DSCAM: variants seen among roughly 807,000 people sequenced by gnomAD.
DSCAM encodes the protein cell adhesion molecule DSCAM.
In DSCAM, 47 loss-of-function variants were observed where a neutral mutation model predicts 217.7. The observed-to-expected ratio is 0.22, with a 90% CI of 0.17 to 0.28. The LOEUF (loss-of-function observed/expected upper bound fraction) is 0.28, where lower values mean the gene tolerates loss of function less well. Ranked by LOEUF, DSCAM falls within the 10% of genes least tolerant of loss-of-function variation. The pLI is 1.00. For synonymous variants in DSCAM, 1,056 were observed against 1,015.3 expected (o/e 1.04, Z -0.76); for missense variants, 2,080 against 2,618.3 (o/e 0.79, Z 4.49).
intron 1 of DSCAM, among the ~76,000 whole-genome samples, chr21:40,834,788 C>G (rs532105481): frequency 6.0e-4 from 92 of 152,204 alleles, no homozygotes; most frequent in African/African-American, 2.1e-3. Flanking sequence ...GCCTCCAGAC[C>G]CCCCAGGAAA....
Position 40,135,377 on chromosome 21 carries a change from T to C in DSCAM, c.3407-1368A>G, listed in dbSNP as rs141805752. 5.2e-4 allele frequency among the ~76,000 whole-genome samples: 79 copies of C among 152,364 alleles called. No individual in the cohort carries two copies. In the East Asian group the frequency reaches 6.9e-3, roughly 13 times the overall value. On this transcript the variant is annotated intron_variant, in intron 18 of 32. Transcript: ENST00000400454. ...AGCGCTATGCTATTCTAAGTACAGA[T>C]AGTAACTTATACAACCAGCAGAGTT...
chr21:40,731,569 C>T, intron 1 of DSCAM, among the ~76,000 whole-genome samples: 1 of 152,006 alleles, frequency 6.6e-6, no homozygotes, highest in Non-Finnish European at 1.5e-5. Context: ...TGTTCTGAGG[C>T]TTCTCTCCTT....
At chr21:40,207,898 G>T (rs901957941) in intron 11 of DSCAM, among the ~76,000 whole-genome samples, 12 of 152,126 alleles carry the variant, frequency 7.9e-5, no homozygotes, top group African/African-American at 2.4e-5. Flanking sequence ...GTGGCTACAC[G>T]CTAACCTCTT....
intron 1 of DSCAM, among the ~76,000 whole-genome samples, chr21:40,827,342 C>T (rs1159028055): frequency 6.6e-6 from 1 of 151,804 alleles, no homozygotes. Context: ...GGTGGTGCAG[C>T]ACCTGTAGTC....
At position 40,342,648 on chromosome 21, in the gene DSCAM, A is replaced by ATTT. The variant is rs1202355440; in HGVS notation, c.1211-3236_1211-3234dup. Among the ~76,000 whole-genome samples, 178 of 80,316 alleles carry ATTT rather than the reference A, an allele frequency of 2.2e-3. 4 individuals are homozygous for ATTT. Among genetic ancestry groups the ATTT allele is most frequent in the South Asian group, 0.013 (25 of 1,922 alleles). 52.7% of individuals were successfully genotyped at this position (80,316 alleles called of 152,430 possible). ...TGTGTATATATATATATATATATAT[A>ATTT]TTTTTTTTTTTTTTTTGAGACAGTG... On this transcript the variant is annotated intron_variant, in intron 6 of 32. Transcript: ENST00000400454.
intron 3 of DSCAM, among the ~76,000 whole-genome samples, chr21:40,650,022 G>A (rs2089993853): frequency 6.6e-6 from 1 of 152,190 alleles, no homozygotes; most frequent in African/African-American, 2.4e-5. Context: ...TCATAAGGCT[G>A]TGACCGACAA....
chr21:40,091,631 C>T lies in DSCAM; in HGVS notation c.3850+2090G>A, dbSNP rs570900729. On this transcript the variant is annotated intron_variant, in intron 21 of 32. Transcript: ENST00000400454. ...TTTACTGACTGTATTAGTCTGTTCT[C>T]ATGCTGCTAATAAAGGCATGCCTGA... Among the ~76,000 whole-genome samples, 291 of 152,246 alleles carry T rather than the reference C, an allele frequency of 1.9e-3. 1 individual carries two copies. Among genetic ancestry groups the T allele is most frequent in the African/African-American group, 6.8e-3 (281 of 41,540 alleles).
chr21:40,339,019 C>T lies in DSCAM; in HGVS notation c.1507+100G>A, dbSNP rs142522668. The T allele has an allele frequency of 9.1e-6, 13 of 1,426,824 alleles. No homozygotes were observed. In the South Asian group the frequency reaches 9.5e-5, roughly 10 times the overall value. 88.4% of individuals were successfully genotyped at this position (1,426,824 alleles called of 1,614,324 possible). ...AGGAAATGGGAAGCAACAGTTAATC[C>T]GCTCTGGCATTCCAAGACCCAGCTC... On this transcript the variant is annotated intron_variant, in intron 7 of 32. Transcript: ENST00000400454.
chr21:40,438,248 C>A (rs1303224690), intron 3 of DSCAM, among the ~76,000 whole-genome samples: 2 of 152,132 alleles, frequency 1.3e-5, no homozygotes, highest in African/African-American at 4.8e-5. Flanking sequence ...AATGATCACA[C>A]TCAATAAAAT....
chr21:40,311,857 T>A (rs1325059289), intron 9 of DSCAM, among the ~76,000 whole-genome samples: 2 of 151,722 alleles, frequency 1.3e-5, no homozygotes, highest in Non-Finnish European at 2.9e-5. Flanking sequence ...TAGCTATTAA[T>A]TATTTAAAAC....
intron 11 of DSCAM, among the ~76,000 whole-genome samples, chr21:40,268,022 C>T (rs2073564201): frequency 6.6e-6 from 1 of 152,172 alleles, no homozygotes; most frequent in Non-Finnish European, 1.5e-5. Context: ...TTCCAGCAAA[C>T]AGGGTCCCTG....
intron 3 of DSCAM, among the ~76,000 whole-genome samples, chr21:40,591,699 G>T (rs2076985440): frequency 6.6e-6 from 1 of 152,168 alleles, no homozygotes; most frequent in Non-Finnish European, 1.5e-5. Flanking sequence ...CCAAGAAGTG[G>T]TCATAGTTAT....
intron 11 of DSCAM, among the ~76,000 whole-genome samples, chr21:40,240,219 A>C (rs2073131011): frequency 1.3e-5 from 2 of 152,152 alleles, no homozygotes. Context: ...CAAGCCAGGC[A>C]GGTGAAGGCT....
At chr21:40,397,798 A>G (rs532307689) in intron 3 of DSCAM, among the ~76,000 whole-genome samples, 30 of 151,898 alleles carry the variant, frequency 2.0e-4, no homozygotes, top group Non-Finnish European at 4.3e-4. Flanking sequence ...TGCTACTACT[A>G]TTACCAATAC....
At chr21:40,456,611 TAA>T (rs2075765515) in intron 3 of DSCAM, among the ~76,000 whole-genome samples, 1 of 151,964 alleles carries the variant, frequency 6.6e-6, no homozygotes, top group Admixed American at 6.6e-5. Context: ...TGTTCAAAGG[TAA>T]AGTCGATTGC....
chr21:40,612,824 A>T (rs927988160), intron 3 of DSCAM, among the ~76,000 whole-genome samples: 1 of 152,174 alleles, frequency 6.6e-6, no homozygotes, highest in Admixed American at 6.5e-5. Context: ...CTGAGTGAAG[A>T]CACACTGAGA....
intron 32 of DSCAM, among the ~76,000 whole-genome samples, chr21:40,038,709 C>A (rs1374599338): frequency 7.4e-6 from 1 of 135,958 alleles, no homozygotes; most frequent in Non-Finnish European, 1.5e-5. Flanking sequence ...TATAAAGACA[C>A]ATGCACACAT....
intron 1 of DSCAM, among the ~76,000 whole-genome samples, chr21:40,791,450 C>G (rs1252617141): frequency 2.0e-5 from 3 of 151,756 alleles, no homozygotes; most frequent in Admixed American, 6.6e-5. Flanking sequence ...GTCAGGAGAT[C>G]GAGACCATCC....
intron 3 of DSCAM, among the ~76,000 whole-genome samples, chr21:40,584,811 A>G (rs566732486): frequency 7.9e-5 from 12 of 152,302 alleles, no homozygotes; most frequent in African/African-American, 2.4e-4. Context: ...AAGAACACTG[A>G]TACAGTTTGG....
Sources: gnomAD v4.1 joint callset for allele counts (sites outside exome capture counted in the v4.1 genomes callset) on GRCh38, gnomAD v4.1.1 for gene constraint, MANE v1.5 for transcripts, NCBI Gene and HGNC (gene_info 2026-07-23, HGNC 2026-07-21) for gene names.